CTNNA3: variants seen among roughly 807,000 people sequenced by gnomAD.
CTNNA3 encodes catenin alpha 3, also known as catenin alpha-3.
A neutral mutation model predicts 95.7 loss-of-function variants in CTNNA3; 76 were observed. The observed-to-expected ratio is 0.79, with a 90% CI of 0.66 to 0.96. The LOEUF (loss-of-function observed/expected upper bound fraction) is 0.96, where lower values mean the gene tolerates loss of function less well. Ranked by LOEUF, CTNNA3 falls within the 40% of genes least tolerant of loss-of-function variation. CTNNA3 has a pLI of 0.00. For missense variants in CTNNA3, 1,191 were observed against 1,089.8 expected (o/e 1.09, Z -1.31); for synonymous variants, 431 against 374.4 (o/e 1.15, Z -1.74).
chr10:66,434,772 G>A (rs1220643589), intron 11 of CTNNA3, among the ~76,000 whole-genome samples: 2 of 152,158 alleles, frequency 1.3e-5, no homozygotes, highest in East Asian at 3.8e-4. Flanking sequence ...TATAATATTG[G>A]CTGTGAGTTT....
intron 7 of CTNNA3, among the ~76,000 whole-genome samples, chr10:67,087,340 C>A (rs1857362129): frequency 6.6e-6 from 1 of 151,838 alleles, no homozygotes. Flanking sequence ...TTCTAGGAAG[C>A]ACTAAAGAAT....
At position 66,067,121 on chromosome 10, in the gene CTNNA3, T is replaced by G. The variant is rs545121616; in HGVS notation, c.2159+2187A>C. Among the ~76,000 whole-genome samples the G allele has an allele frequency of 5.3e-5, 8 of 152,292 alleles. No homozygotes were observed. In the East Asian group the frequency reaches 1.5e-3, roughly 29 times the overall value. On this transcript the variant is annotated intron_variant, in intron 15 of 17. Transcript: ENST00000433211. ...TTCCCCTGAGGCTAGTCATAAATAC[T>G]AGAATCCTTCTCCAAGGCAGGTCAC...
intron 12 of CTNNA3, among the ~76,000 whole-genome samples, chr10:66,366,019 G>A (rs561598960): frequency 6.6e-6 from 1 of 152,246 alleles, no homozygotes; most frequent in East Asian, 1.9e-4. Flanking sequence ...CCAGGTTCAT[G>A]ACCGTCAGAC....
intron 8 of CTNNA3, among the ~76,000 whole-genome samples, chr10:66,775,055 A>G (rs1840238978): frequency 6.6e-6 from 1 of 152,172 alleles, no homozygotes; most frequent in Non-Finnish European, 1.5e-5. Context: ...CAATTGATCA[A>G]CATTCCCTAA....
chr10:67,076,582 G>A (rs567484730), intron 7 of CTNNA3, among the ~76,000 whole-genome samples: 4 of 152,220 alleles, frequency 2.6e-5, no homozygotes, highest in Admixed American at 1.3e-4. Context: ...ATCTAAAAGC[G>A]TTTCTTTAAA....
intron 14 of CTNNA3, among the ~76,000 whole-genome samples, chr10:66,096,268 A>T (rs976311106): frequency 6.6e-6 from 1 of 152,050 alleles, no homozygotes; most frequent in African/African-American, 2.4e-5. Context: ...ACAGAACAAA[A>T]CCTTTGATTT....
chr10:67,284,300 C>A (rs1748713526), intron 5 of CTNNA3, among the ~76,000 whole-genome samples: 2 of 152,202 alleles, frequency 1.3e-5, no homozygotes, highest in Admixed American at 1.3e-4. Flanking sequence ...TTCAAAAGTA[C>A]TCCCCTGGGG....
intron 5 of CTNNA3, among the ~76,000 whole-genome samples, chr10:67,431,174 T>C (rs139111979): frequency 6.6e-6 from 1 of 152,062 alleles, no homozygotes; most frequent in African/African-American, 2.4e-5. Context: ...CTATATTAAT[T>C]TTTCTTCTGA....
At chr10:66,613,326 C>T (rs1313595121) in intron 10 of CTNNA3, among the ~76,000 whole-genome samples, 1 of 152,000 alleles carries the variant, frequency 6.6e-6, no homozygotes, top group African/African-American at 2.4e-5. Flanking sequence ...TCTTATTTCT[C>T]AGAACTGCTC....
At chr10:67,143,273 T>C (rs1454010168) in intron 7 of CTNNA3, among the ~76,000 whole-genome samples, 1 of 151,698 alleles carries the variant, frequency 6.6e-6, no homozygotes, top group African/African-American at 2.4e-5. Flanking sequence ...AAACACCATC[T>C]AAGCCAAGCG....
chr10:66,069,493 A>C lies in CTNNA3; in HGVS notation c.1978-4T>G. Reference sequence around the variant, plus strand: ...CAGGCAGTTGAGTCATCTTAGCCTAAAACATGTGATAATTAGAGTTAAAAT... The same window carrying C: ...CAGGCAGTTGAGTCATCTTAGCCTACAACATGTGATAATTAGAGTTAAAAT... On this transcript the variant is annotated splice_polypyrimidine_tract_variant and splice_region_variant and intron_variant, in intron 14 of 17. Transcript: ENST00000433211. The C allele has an allele frequency of 6.2e-7, 1 of 1,600,952 alleles. No individual in the cohort carries two copies. Among genetic ancestry groups the C allele is most frequent in the Non-Finnish European group, 8.5e-7 (1 of 1,174,696 alleles).
intron 7 of CTNNA3, among the ~76,000 whole-genome samples, chr10:66,788,778 C>A (rs969746826): frequency 2.0e-5 from 3 of 151,926 alleles, no homozygotes; most frequent in Non-Finnish European, 4.4e-5. Context: ...TACTGGCGAG[C>A]ACTGAAGGAA....
Position 66,421,897 on chromosome 10 carries a change from G to GATATATATATATAT in CTNNA3, c.1532-42559_1532-42546dup, listed in dbSNP as rs35513829. Among the ~76,000 whole-genome samples the GATATATATATATAT allele has an allele frequency of 6.1e-3, 660 of 108,024 alleles. 6 individuals carry two copies. The highest frequency in any genetic ancestry group is 0.021 in the African/African-American group (608 of 28,584). 70.9% of individuals were successfully genotyped at this position (108,024 alleles called of 152,430 possible). A position where few individuals can be genotyped will look rare whatever the true frequency, so the allele number is the denominator to read the frequency against. ...TTTCTAAGAGCTTCATAATAAATGT[G>GATATATATATATAT]ATATATATATATATATATACACACA... On this transcript the variant is annotated intron_variant, in intron 11 of 17. Transcript: ENST00000433211.
In CTNNA3 at chr10:67,317,463, G is replaced by A. The variant is rs1724495419; in HGVS notation, c.580-97593C>T. The stretch of plus-strand genomic sequence containing the variant: ...TTTTTTTGAGATTGAGTCTCTCCCT[G>A]TCGCCAGGCTGCAGTGCAGTGGCAC... On this transcript the variant is annotated intron_variant, in intron 5 of 17. Coordinates refer to ENST00000433211, the MANE Select transcript of CTNNA3 (RefSeq NM_013266.4). Among the ~76,000 whole-genome samples, 3 of 133,746 alleles carry A rather than the reference G, an allele frequency of 2.2e-5. No homozygotes were observed. In the South Asian group the frequency reaches 7.3e-4, roughly 32 times the overall value. 87.7% of individuals were successfully genotyped at this position (133,746 alleles called of 152,430 possible).
At chr10:67,570,374 T>C (rs7068338) in intron 3 of CTNNA3, among the ~76,000 whole-genome samples, 30,230 of 151,884 alleles carry the variant, frequency 0.2, 5,042 homozygotes, top group African/African-American at 0.46. Context: ...AGTTGCTATA[T>C]TGACAACTTT....
At chr10:67,726,437 A>AT in intron 1 of CTNNA3, among the ~76,000 whole-genome samples, 1 of 72,574 alleles carries the variant, frequency 1.4e-5, no homozygotes, top group Non-Finnish European at 2.3e-5. Context: ...TATATCATAT[A>AT]TAATATATAA....
intron 11 of CTNNA3, among the ~76,000 whole-genome samples, chr10:66,434,211 T>C (rs1354845739): frequency 6.6e-6 from 1 of 152,162 alleles, no homozygotes; most frequent in African/African-American, 2.4e-5. Flanking sequence ...GGGAATAGCA[T>C]TGAATCTATA....
At chr10:66,220,411 G>C (rs72797238) in intron 13 of CTNNA3, among the ~76,000 whole-genome samples, 13,013 of 152,230 alleles carry the variant, frequency 0.085, 632 homozygotes, top group East Asian at 0.17. Flanking sequence ...GCTGGGATGA[G>C]TGCTTCTGGG....
At chr10:66,172,751 T>C (rs66513273) in intron 13 of CTNNA3, among the ~76,000 whole-genome samples, 7,197 of 152,218 alleles carry the variant, frequency 0.047, 212 homozygotes, top group African/African-American at 0.066. Flanking sequence ...CTGGAGCCTG[T>C]GTTGCAGCTA....
Sources: allele counts gnomAD v4.1 joint callset (sites outside exome capture counted in the v4.1 genomes callset), GRCh38; gene constraint gnomAD v4.1.1; transcripts MANE v1.5; gene names NCBI Gene and HGNC (gene_info 2026-07-23, HGNC 2026-07-21).